PALM2AKAP2: variants seen among roughly 807,000 people sequenced by gnomAD.
PALM2AKAP2 encodes PALM2-AKAP2 fusion protein.
Under a neutral mutation model 71.5 loss-of-function variants are expected in PALM2AKAP2, and 37 were observed. The ratio of observed to expected loss-of-function variants is 0.52; its 90% CI spans 0.40 to 0.68. The LOEUF (loss-of-function observed/expected upper bound fraction) is 0.68. PALM2AKAP2 is among the 30% of genes least tolerant of loss of function. The pLI, the probability that PALM2AKAP2 is intolerant of heterozygous loss-of-function variation, is 0.00. For synonymous variants in PALM2AKAP2, 468 were observed against 478.8 expected, an observed-to-expected ratio of 0.98 and a Z score of 0.29; for missense variants, 1,224 against 1,191.8, an observed-to-expected ratio of 1.03 and a Z score of -0.40.
intron 1 of PALM2AKAP2, among the ~76,000 whole-genome samples, chr9:109,797,106 C>A (rs1401943634): frequency 4.6e-5 from 7 of 152,202 alleles, no homozygotes; most frequent in Admixed American, 4.6e-4. Context: ...CCTGATGCTA[C>A]CTCTTTTACC....
chr9:110,007,621 C>A (rs759609434), intron 6 of PALM2AKAP2, among the ~76,000 whole-genome samples: 1 of 152,174 alleles, frequency 6.6e-6, no homozygotes, highest in African/African-American at 2.4e-5. Flanking sequence ...TTTGACTATG[C>A]AAACTTCTGC....
chr9:109,848,904 T>C (rs1828935219), intron 1 of PALM2AKAP2, among the ~76,000 whole-genome samples: 1 of 150,968 alleles, frequency 6.6e-6, no homozygotes, highest in African/African-American at 2.4e-5. Context: ...AAAAAAAATG[T>C]TGACAGAACA....
intron 1 of PALM2AKAP2, among the ~76,000 whole-genome samples, chr9:109,684,759 A>G (rs1466880927): frequency 6.6e-6 from 1 of 152,250 alleles, no homozygotes; most frequent in African/African-American, 2.4e-5. Context: ...AAGAGGTTAA[A>G]CATATACTTA....
intron 1 of PALM2AKAP2, among the ~76,000 whole-genome samples, chr9:110,079,676 T>C (rs1321048864): frequency 3.9e-5 from 6 of 152,204 alleles, no homozygotes; most frequent in Non-Finnish European, 7.3e-5. Flanking sequence ...AAGGCATATA[T>C]GGAGCATGAT....
intron 1 of PALM2AKAP2, among the ~76,000 whole-genome samples, chr9:110,057,188 A>T (rs912917388): frequency 6.6e-6 from 1 of 152,032 alleles, no homozygotes; most frequent in Non-Finnish European, 1.5e-5. Context: ...GATGGAGTGC[A>T]GTGGTGTGAT....
At chr9:109,819,705 A>G (rs7046319) in intron 1 of PALM2AKAP2, among the ~76,000 whole-genome samples, 76,550 of 140,236 alleles carry the variant, frequency 0.55, 22,361 homozygotes, top group East Asian at 0.87. Context: ...GTGTGTGTGT[A>G]TGTGTGTGTG....
intron 6 of PALM2AKAP2, among the ~76,000 whole-genome samples, chr9:110,011,008 A>ATATATAT (rs59500188): frequency 1.2e-4 from 11 of 91,750 alleles, no homozygotes; most frequent in South Asian, 3.2e-4. Context: ...AAAAAAAAAA[A>ATATATAT]AAAAAAATAT....
chr9:109,650,314 C>T (rs1827208375), intron 1 of PALM2AKAP2, among the ~76,000 whole-genome samples: 1 of 130,694 alleles, frequency 7.7e-6, no homozygotes, highest in South Asian at 2.4e-4. Context: ...GGGTTGTCCA[C>T]TGATTTAATA....
chr9:110,098,032 G>C (rs1298012113), intron 1 of PALM2AKAP2, among the ~76,000 whole-genome samples: 1 of 144,532 alleles, frequency 6.9e-6, no homozygotes, highest in Non-Finnish European at 1.5e-5. Flanking sequence ...GTGGCGGCGC[G>C]TGCCTGCAAT....
At position 109,977,934 on chromosome 9, in the gene PALM2AKAP2, C is replaced by T. The variant is rs1832199452; in HGVS notation, c.497-38020C>T. Among the ~76,000 whole-genome samples, 7 of 152,262 alleles carry T rather than the reference C, an allele frequency of 4.6e-5. No individual in the cohort carries two copies. In the South Asian group the frequency reaches 1.0e-3, roughly 23 times the overall value. ...GGCCTAGCTTAGATAGTTGTCCATCCCTGGACCAGGACCTTGGCCATTTTG... is the reference window on the plus strand; with the variant it reads ...GGCCTAGCTTAGATAGTTGTCCATCTCTGGACCAGGACCTTGGCCATTTTG... On this transcript the variant is annotated intron_variant, in intron 6 of 9. Transcript: ENST00000302798.
At chr9:109,672,756 C>G (rs958302040) in intron 1 of PALM2AKAP2, among the ~76,000 whole-genome samples, 6 of 151,956 alleles carry the variant, frequency 3.9e-5, no homozygotes, top group Non-Finnish European at 8.8e-5. Context: ...GGTTGGTAGG[C>G]TGTTTATTAC....
intron 6 of PALM2AKAP2, among the ~76,000 whole-genome samples, chr9:109,935,176 C>T (rs1831193722): frequency 6.6e-6 from 1 of 152,132 alleles, no homozygotes; most frequent in African/African-American, 2.4e-5. Context: ...TGTAGAAAAC[C>T]CTCTTCTCTA....
chr9:110,045,699 C>A (rs1247799030), upstream of PALM2AKAP2, among the ~76,000 whole-genome samples: 1 of 152,180 alleles, frequency 6.6e-6, no homozygotes, highest in Non-Finnish European at 1.5e-5. Flanking sequence ...TCCTGAGTAG[C>A]TGGGATTACA....
At chr9:109,845,904 A>C (rs1828840227) in intron 1 of PALM2AKAP2, among the ~76,000 whole-genome samples, 2 of 152,226 alleles carry the variant, frequency 1.3e-5, no homozygotes, top group South Asian at 4.1e-4. Flanking sequence ...CAGGTTAAGC[A>C]TAAAGGATAT....
At chr9:110,019,189 G>A (rs973040760) in intron 7 of PALM2AKAP2, among the ~76,000 whole-genome samples, 3 of 146,660 alleles carry the variant, frequency 2.0e-5, no homozygotes, top group Non-Finnish European at 4.4e-5. Flanking sequence ...GCCGTGAGCC[G>A]AGTCTGCGCC....
At chr9:109,753,070 G>C (rs114841930) in intron 1 of PALM2AKAP2, among the ~76,000 whole-genome samples, 1 of 152,126 alleles carries the variant, frequency 6.6e-6, no homozygotes, top group East Asian at 1.9e-4. Flanking sequence ...ATAATGATTG[G>C]TGAACCAAGA....
chr9:110,048,895 C>G, intron 1 of PALM2AKAP2: 1 of 1,484,022 alleles, frequency 6.7e-7, no homozygotes, highest in Non-Finnish European at 8.9e-7. Flanking sequence ...CTGGAGTGTC[C>G]TCGAGTGTGA....
At chr9:110,113,813 G>C (rs992613158) in intron 1 of PALM2AKAP2, among the ~76,000 whole-genome samples, 1 of 152,146 alleles carries the variant, frequency 6.6e-6, no homozygotes, top group Non-Finnish European at 1.5e-5. Flanking sequence ...GATTACAGAC[G>C]TGAGCCACCA....
At chr9:109,776,115 T>C (rs1380762090), upstream of PALM2AKAP2, among the ~76,000 whole-genome samples, 2 of 152,236 alleles carry the variant, frequency 1.3e-5, no homozygotes, top group Non-Finnish European at 2.9e-5. Flanking sequence ...ACTACGATTT[T>C]TTTTCTTAAT....
Sources: allele counts gnomAD v4.1 joint callset (sites outside exome capture counted in the v4.1 genomes callset), GRCh38; gene constraint gnomAD v4.1.1; transcripts MANE v1.5; gene names NCBI Gene and HGNC (gene_info 2026-07-23, HGNC 2026-07-21).